LIPC: variants seen among roughly 807,000 people sequenced by gnomAD.
LIPC encodes the protein hepatic triacylglycerol lipase.
A neutral mutation model predicts 50.7 loss-of-function variants in LIPC; 44 were observed. The observed-to-expected ratio is 0.87, with a 90% CI of 0.68 to 1.11. LIPC has a LOEUF of 1.11. Among genes scored for constraint, LIPC ranks in the 50% most tolerant of loss-of-function variants. The pLI is 0.00. For synonymous variants in LIPC, 271 were observed against 256.4 expected, an observed-to-expected ratio of 1.06 and a Z score of -0.54; for missense variants, 697 against 648.2, an observed-to-expected ratio of 1.08 and a Z score of -0.82.
intron 6 of LIPC, among the ~76,000 whole-genome samples, chr15:58,558,359 C>T (rs965465950): frequency 2.0e-5 from 3 of 152,198 alleles, no homozygotes; most frequent in Admixed American, 6.5e-5. Flanking sequence ...TGCAAGCCAC[C>T]GTGCCCAGCC....
At chr15:58,485,784 C>T (rs148989563) in intron 1 of LIPC, among the ~76,000 whole-genome samples, 1 of 152,258 alleles carries the variant, frequency 6.6e-6, no homozygotes, top group African/African-American at 2.4e-5. Flanking sequence ...CCCAGCCACA[C>T]TGAGGGAGAG....
At chr15:58,518,927 A>G (rs1892565616) in intron 1 of LIPC, among the ~76,000 whole-genome samples, 1 of 151,814 alleles carries the variant, frequency 6.6e-6, no homozygotes, top group Admixed American at 6.6e-5. Context: ...CTATACACTT[A>G]CGATTCGTCA....
chr15:58,490,981 A>G (rs1213202453), intron 1 of LIPC, among the ~76,000 whole-genome samples: 4 of 152,200 alleles, frequency 2.6e-5, no homozygotes, highest in Non-Finnish European at 4.4e-5. Flanking sequence ...CCAGGAAGGA[A>G]TGGAGTTCAC....
intron 1 of LIPC, chr15:58,523,493 G>C (rs558227080): frequency 6.6e-6 from 1 of 152,432 alleles, no homozygotes; most frequent in South Asian, 2.1e-4. Context: ...TCCACAGTCA[G>C]ACAGCAAGAG....
chr15:58,468,468 G>T (rs1894656508), intron 1 of LIPC, among the ~76,000 whole-genome samples: 1 of 152,116 alleles, frequency 6.6e-6, no homozygotes, highest in Non-Finnish European at 1.5e-5. Context: ...AGATTCTGAT[G>T]CACACCCGTT....
chr15:58,564,915 C>G (rs566259927), intron 8 of LIPC, among the ~76,000 whole-genome samples: 13 of 152,252 alleles, frequency 8.5e-5, no homozygotes, highest in African/African-American at 2.4e-4. Flanking sequence ...CTTCTCTATT[C>G]AGGAAACGGT....
At chr15:58,488,052 C>T (rs1372772211) in intron 1 of LIPC, among the ~76,000 whole-genome samples, 1 of 152,224 alleles carries the variant, frequency 6.6e-6, no homozygotes, top group Admixed American at 6.5e-5. Context: ...CAGTGGATCC[C>T]TCGAGGTCAG....
intron 3 of LIPC, among the ~76,000 whole-genome samples, chr15:58,542,209 C>T (rs1488760636): frequency 1.3e-5 from 2 of 152,180 alleles, no homozygotes; most frequent in African/African-American, 2.4e-5. Context: ...CTCTTATGCT[C>T]ACCCCCTTAG....
intron 5 of LIPC, 48 bp downstream of exon 5, chr15:58,546,023 G>T: frequency 1.4e-6 from 2 of 1,451,214 alleles, no homozygotes; most frequent in Non-Finnish European, 1.9e-6. Flanking sequence ...ATTTCAATGG[G>T]GCCTCTGGAA....
chr15:58,463,497 C>G (rs1894426983), intron 1 of LIPC, among the ~76,000 whole-genome samples: 1 of 152,232 alleles, frequency 6.6e-6, no homozygotes, highest in Non-Finnish European at 1.5e-5. Context: ...CAACTTCCCG[C>G]CCACTGCTCC....
chr15:58,515,718 A>G (rs545592471), intron 1 of LIPC, among the ~76,000 whole-genome samples: 3 of 152,218 alleles, frequency 2.0e-5, no homozygotes, highest in Non-Finnish European at 4.4e-5. Context: ...ATCTGGAGGA[A>G]AAAAAGTAAA....
intron 1 of LIPC, among the ~76,000 whole-genome samples, chr15:58,501,323 A>C (rs536108999): frequency 6.8e-6 from 1 of 146,414 alleles, no homozygotes; most frequent in African/African-American, 2.5e-5. Context: ...TCCCAATGTG[A>C]TCATTACCTA....
At chr15:58,563,264 G>T (rs1894230538) in intron 7 of LIPC, among the ~76,000 whole-genome samples, 1 of 152,172 alleles carries the variant, frequency 6.6e-6, no homozygotes, top group South Asian at 2.1e-4. Context: ...ACTTCTCGGA[G>T]CCTTTTTGAT....
chr15:58,447,120 C>T (rs770104412), intron 1 of LIPC, among the ~76,000 whole-genome samples: 177 of 135,258 alleles, frequency 1.3e-3, no homozygotes, highest in Non-Finnish European at 2.4e-3. Context: ...CTGCACCCAG[C>T]CTGGACAACA....
At chr15:58,443,212 G>A (rs1198165473) in intron 1 of LIPC, among the ~76,000 whole-genome samples, 2 of 152,240 alleles carry the variant, frequency 1.3e-5, no homozygotes, top group South Asian at 2.1e-4. Context: ...GTGCCTGGCC[G>A]AGATATCCCA....
At chr15:58,510,466 T>C (rs1892294703) in intron 1 of LIPC, among the ~76,000 whole-genome samples, 1 of 152,248 alleles carries the variant, frequency 6.6e-6, no homozygotes, top group African/African-American at 2.4e-5. Flanking sequence ...TTGATATTCA[T>C]CATTAGAGTA....
chr15:58,453,618 T>C (rs1298922887), intron 1 of LIPC, among the ~76,000 whole-genome samples: 1 of 152,066 alleles, frequency 6.6e-6, no homozygotes, highest in African/African-American at 2.4e-5. Flanking sequence ...GTGGGTTCCG[T>C]ACATTGGCGC....
chr15:58,523,570 T>G (rs1216042203), intron 1 of LIPC, among the ~76,000 whole-genome samples: 12 of 151,386 alleles, frequency 7.9e-5, no homozygotes, highest in Admixed American at 2.6e-4. Flanking sequence ...TCCAGAGAAA[T>G]AGTTATCATG....
intron 1 of LIPC, among the ~76,000 whole-genome samples, chr15:58,461,234 C>T: frequency 6.6e-6 from 1 of 152,216 alleles, no homozygotes; most frequent in East Asian, 1.9e-4. Flanking sequence ...TACCAGTTAT[C>T]CCACCAAGTG....
Sources: allele counts gnomAD v4.1 joint callset (sites outside exome capture counted in the v4.1 genomes callset), GRCh38; gene constraint gnomAD v4.1.1; transcripts MANE v1.5; gene names NCBI Gene and HGNC (gene_info 2026-07-23, HGNC 2026-07-21).